SLFN5: variants seen among roughly 807,000 people sequenced by gnomAD.
SLFN5 encodes the protein schlafen family member 5.
A neutral mutation model predicts 48.5 loss-of-function variants in SLFN5; 34 were observed. The observed-to-expected ratio is 0.70, with a 90% CI of 0.53 to 0.93. SLFN5 has a LOEUF of 0.93. Ranked by LOEUF, SLFN5 falls within the 40% of genes least tolerant of loss-of-function variation. SLFN5 has a pLI of 0.00. For missense variants in SLFN5, 1,006 were observed against 1,071.3 expected, an observed-to-expected ratio of 0.94 and a Z score of 0.85; for synonymous variants, 387 against 396.2, an observed-to-expected ratio of 0.98 and a Z score of 0.28.
chr17:35,264,200 G>A lies in SLFN5; in HGVS notation c.1156G>A (p.Val386Ile). 6.2e-7 allele frequency: 1 copy of A among 1,608,970 alleles called. No individual in the cohort carries two copies. Among genetic ancestry groups the A allele is most frequent in the Non-Finnish European group, 8.5e-7 (1 of 1,178,168 alleles). ...RYFPVFSDRV[V>I]YTPESLYKEL... ...CTGTCTAGTATTTTCAGACAGAGTG[G>A]TATATACTCCAGAAAGCCTCTACAA... Residue 386 changes from valine to isoleucine, a missense_variant, in exon 4 of 5, where the codon GTA becomes ATA. Physicochemically the swap from Val to Ile is conservative, Grantham distance 29 (BLOSUM62 3). Transcript: ENST00000299977.
In SLFN5 at chr17:35,259,716, A is replaced by G. The variant is rs200966441; in HGVS notation, c.1012+14A>G. On this transcript the variant is annotated intron_variant, in intron 2 of 4. Coordinates refer to ENST00000299977, the MANE Select transcript of SLFN5 (RefSeq NM_144975.4). The stretch of plus-strand genomic sequence containing the variant: ...AAGCTGACCCAGGTTAGGGAGCAAT[A>G]TCCACAATGGTTGTAATGTTTGCTG... The G allele has an allele frequency of 2.5e-6, 4 of 1,598,030 alleles. No individual in the cohort carries two copies. The African/African-American group carries it at 4.0e-5, about 16-fold the overall frequency.
At chr17:35,250,090 T>C (rs927135457) in intron 1 of SLFN5, among the ~76,000 whole-genome samples, 1 of 152,186 alleles carries the variant, frequency 6.6e-6, no homozygotes, top group Non-Finnish European at 1.5e-5. Context: ...AGAAACCAAG[T>C]GGATGAAGAT....
intron 3 of SLFN5, 144 bp downstream of exon 3, chr17:35,261,240 A>G: frequency 1.1e-6 from 1 of 917,346 alleles, no homozygotes; most frequent in Non-Finnish European, 1.5e-6. Flanking sequence ...AACTTTTAGT[A>G]GAAAGTGTAT....
Position 35,266,169 on chromosome 17 carries a change from T to TGCGC in SLFN5, c.*282_*283insCGCG, listed in dbSNP as rs1202157560. The TGCGC allele has an allele frequency of 1.1e-5, 3 of 280,358 alleles. No individual in the cohort carries two copies. The highest frequency in any genetic ancestry group is 7.3e-5 in the African/African-American group (3 of 41,110). 17.4% of individuals were successfully genotyped at this position (280,358 alleles called of 1,614,324 possible). A position where few individuals can be genotyped will look rare whatever the true frequency, so the allele number is the denominator to read the frequency against. On this transcript the variant is annotated 3_prime_UTR_variant, in exon 5 of 5. Transcript: ENST00000299977. ...GTGTGTGTGTGTGTGTGTGTGTGTG[T>TGCGC]GTGTGTGTGCGCGCGCGCACGTGCA...
chr17:35,246,638 T>C (rs2092431326), intron 1 of SLFN5, among the ~76,000 whole-genome samples: 1 of 152,106 alleles, frequency 6.6e-6, no homozygotes, highest in Non-Finnish European at 1.5e-5. Flanking sequence ...GGAGATCACT[T>C]GAGGTCAGGA....
At chr17:35,256,721 G>GC (rs1238024843) in intron 1 of SLFN5, among the ~76,000 whole-genome samples, 1 of 152,150 alleles carries the variant, frequency 6.6e-6, no homozygotes, top group African/African-American at 2.4e-5. Context: ...TTGTGGCACA[G>GC]CTGCATGAAA....
chr17:35,256,193 T>C (rs1002085374), intron 1 of SLFN5, among the ~76,000 whole-genome samples: 1 of 152,154 alleles, frequency 6.6e-6, no homozygotes, highest in Non-Finnish European at 1.5e-5. Flanking sequence ...ACCCTGTCTC[T>C]ACTAAAAATA....
chr17:35,258,401 T>C (rs1904402730), intron 1 of SLFN5, among the ~76,000 whole-genome samples: 1 of 152,150 alleles, frequency 6.6e-6, no homozygotes, highest in Non-Finnish European at 1.5e-5. Context: ...TCGTGAGACT[T>C]ATTCACTACC....
rs909487702 is a variant in SLFN5 at position 35,272,869 on chromosome 17, A to T, written c.*6981A>T. 2.6e-5 allele frequency: 4 copies of T among 152,214 alleles called. No individual in the cohort carries two copies. Among genetic ancestry groups the T allele is most frequent in the Non-Finnish European group, 5.9e-5 (4 of 68,034 alleles). The allele number at this position is 152,214 out of a possible 1,614,324, so 9.4% of individuals were successfully genotyped here. A position where few individuals can be genotyped will look rare whatever the true frequency, so the allele number is the denominator to read the frequency against. ...GAAAGCACTTCCATGCATTGCTGTAAATTGGTACATCTTCTACTGAGAACA... is the reference window on the plus strand; with the variant it reads ...GAAAGCACTTCCATGCATTGCTGTATATTGGTACATCTTCTACTGAGAACA... On this transcript the variant is annotated 3_prime_UTR_variant, in exon 5 of 5. Transcript: ENST00000299977.
Position 35,265,778 on chromosome 17 carries a change from G to A in SLFN5, c.2566G>A (p.Val856Met), listed in dbSNP as rs1424400774. ...ATTTTCAGGCCTGGAAAGAAATATC[G>A]TGTTTGGAATCAATCCAGGAGTAGC... ...CRFSGLERNIVFGINPGVAPP... is the reference protein window; with the variant it reads ...CRFSGLERNIMFGINPGVAPP... The change falls in exon 5 of 5, where the codon GTG (valine) becomes ATG (methionine). Residue 856 changes from valine (V) to methionine (M), a missense_variant. By Grantham distance (21) the Val-to-Met change is conservative. Coordinates refer to ENST00000299977, the MANE Select transcript of SLFN5 (RefSeq NM_144975.4). 6.8e-6 allele frequency: 11 copies of A among 1,613,992 alleles called. No homozygotes were observed. The highest frequency in any genetic ancestry group is 2.2e-5 in the East Asian group (1 of 44,880).
In SLFN5 at chr17:35,254,742, C is replaced by T. The variant is rs140778663; in HGVS notation, c.-40-3909C>T. Among the ~76,000 whole-genome samples, 1,462 of 152,320 alleles carry T rather than the reference C, an allele frequency of 9.6e-3. 27 individuals carry two copies. Among genetic ancestry groups the T allele is most frequent in the African/African-American group, 0.034 (1,398 of 41,568 alleles). ...TTTAAATTTCTGGATTTCGGCCGGG[C>T]GTGGTGGCTCACGCCTGTAATCCCA... On this transcript the variant is annotated intron_variant, in intron 1 of 4. Coordinates refer to ENST00000299977, the MANE Select transcript of SLFN5 (RefSeq NM_144975.4).
At position 35,265,907 on chromosome 17, in the gene SLFN5, GA is replaced by G; in HGVS notation, c.*22del. 1.3e-6 allele frequency: 2 copies of G among 1,557,526 alleles called. No individual in the cohort carries two copies. The highest frequency in any genetic ancestry group is 4.5e-5 in the East Asian group (2 of 44,470). ...TGTGTGACAGGAAACCCAAGCCTAA[GA>G]AACAATTAAGTGGTTCTCATCTCTA... On this transcript the variant is annotated 3_prime_UTR_variant, in exon 5 of 5. Coordinates refer to ENST00000299977, the MANE Select transcript of SLFN5 (RefSeq NM_144975.4).
chr17:35,251,033 G>C (rs1009902089), intron 1 of SLFN5, among the ~76,000 whole-genome samples: 1 of 152,126 alleles, frequency 6.6e-6, no homozygotes, highest in Non-Finnish European at 1.5e-5. Context: ...CCTCTTTATG[G>C]ATTGACTGTC....
At position 35,265,955 on chromosome 17, in the gene SLFN5, T is replaced by C; in HGVS notation, c.*67T>C. ...TCTAATTAACTGTGAAACCATTTAA[T>C]CCAAACATGTAAGCACACACTCACT... On this transcript the variant is annotated 3_prime_UTR_variant, in exon 5 of 5. Transcript: ENST00000299977. 6.8e-7 allele frequency: 1 copy of C among 1,468,392 alleles called. No homozygotes were observed. Among genetic ancestry groups the C allele is most frequent in the Non-Finnish European group, 9.1e-7 (1 of 1,094,986 alleles). The allele number at this position is 1,468,392 out of a possible 1,614,324, so 91.0% of individuals were successfully genotyped here.
Position 35,266,163 on chromosome 17 carries a change from T to TGA in SLFN5, c.*276_*277insAG. 1 of 278,360 alleles carries TGA rather than the reference T, an allele frequency of 3.6e-6. No individual in the cohort carries two copies. The highest frequency in any genetic ancestry group is 6.6e-5 in the South Asian group (1 of 15,246). The allele number at this position is 278,360 out of a possible 1,614,324, so 17.2% of individuals were successfully genotyped here. A position where few individuals can be genotyped will look rare whatever the true frequency, so the allele number is the denominator to read the frequency against. On this transcript the variant is annotated 3_prime_UTR_variant, in exon 5 of 5. Transcript: ENST00000299977. The stretch of plus-strand genomic sequence containing the variant: ...AGAGATGTGTGTGTGTGTGTGTGTG[T>TGA]GTGTGTGTGTGTGTGCGCGCGCGCA...
chr17:35,254,787 CG>C (rs2092450676), intron 1 of SLFN5, among the ~76,000 whole-genome samples: 1 of 152,118 alleles, frequency 6.6e-6, no homozygotes, highest in African/African-American at 2.4e-5. Flanking sequence ...GAGGCTGAAG[CG>C]GGTGGATCAC....
chr17:35,272,032 CA>C lies in SLFN5; in HGVS notation c.*6157del, dbSNP rs35344637. The C allele has an allele frequency of 0.41, 57,405 of 141,236 alleles. 12,438 individuals carry two copies. Among genetic ancestry groups the C allele is most frequent in the African/African-American group, 0.62 (24,464 of 39,334 alleles). 8.7% of individuals were successfully genotyped at this position (141,236 alleles called of 1,614,324 possible). On this transcript the variant is annotated 3_prime_UTR_variant, in exon 5 of 5. Coordinates refer to ENST00000299977, the MANE Select transcript of SLFN5 (RefSeq NM_144975.4). Reference sequence around the variant, plus strand: ...GGGCAGCCAGAGTGAGACCCTGTCTCAAAAAAAAAAAAATTATTGGAAACTA... The same window carrying C: ...GGGCAGCCAGAGTGAGACCCTGTCTCAAAAAAAAAAAATTATTGGAAACTA...
chr17:35,244,400 C>T (rs73993112), intron 1 of SLFN5, among the ~76,000 whole-genome samples: 152 of 151,884 alleles, frequency 1.0e-3, no homozygotes, highest in African/African-American at 3.5e-3. Context: ...CTACCAATAG[C>T]GGGTGGGAGG....
rs1184007139 is a variant in SLFN5 at position 35,271,333 on chromosome 17, A to C, written c.*5445A>C. 1 of 152,254 alleles carries C rather than the reference A, an allele frequency of 6.6e-6. No individual in the cohort carries two copies. The highest frequency in any genetic ancestry group is 2.4e-5 in the African/African-American group (1 of 41,472). The allele number at this position is 152,254 out of a possible 1,614,324, so 9.4% of individuals were successfully genotyped here. Reference sequence around the variant, plus strand: ...GAATAACGTACTATAACAAGAAAAAATGAATTGAGAAGAAAGTAGTGGTTT... The same window carrying C: ...GAATAACGTACTATAACAAGAAAAACTGAATTGAGAAGAAAGTAGTGGTTT... On this transcript the variant is annotated 3_prime_UTR_variant, in exon 5 of 5. Coordinates refer to ENST00000299977, the MANE Select transcript of SLFN5 (RefSeq NM_144975.4).
Sources: allele counts gnomAD v4.1 joint callset (sites outside exome capture counted in the v4.1 genomes callset), GRCh38; gene constraint gnomAD v4.1.1; transcripts MANE v1.5; gene names NCBI Gene and HGNC (gene_info 2026-07-23, HGNC 2026-07-21).